Variants in TNPO3 observed in about 807,000 individuals in gnomAD.
TNPO3 encodes transportin 3.
In TNPO3, 65 loss-of-function variants were observed where a neutral mutation model predicts 122.8. That is an observed-to-expected ratio of 0.53 (90% CI 0.43 to 0.65). TNPO3 has a LOEUF of 0.65. TNPO3 is among the 30% of genes least tolerant of loss of function. TNPO3 has a pLI of 0.00. For synonymous variants in TNPO3, 372 were observed against 411.2 expected (o/e 0.90, Z 1.15); for missense variants, 850 against 1,136.7 (o/e 0.75, Z 3.63).
chr7:129,019,912 C>T (rs555385211), intron 1 of TNPO3, among the ~76,000 whole-genome samples: 247 of 152,178 alleles, frequency 1.6e-3, no homozygotes, highest in African/African-American at 5.8e-3. Context: ...AGGAAAATAG[C>T]TTGAACTCAG....
At chr7:129,042,940 C>T (rs892932709) in intron 1 of TNPO3, among the ~76,000 whole-genome samples, 20 of 151,504 alleles carry the variant, frequency 1.3e-4, no homozygotes, top group African/African-American at 4.6e-4. Context: ...ACAAAATACA[C>T]TTGGGTATAC....
chr7:128,976,709 A>G (rs781514150), intron 16 of TNPO3, among the ~76,000 whole-genome samples: 12 of 152,224 alleles, frequency 7.9e-5, no homozygotes, highest in Non-Finnish European at 1.6e-4. Flanking sequence ...AAACAATTGT[A>G]CACTCACCTA....
chr7:129,037,669 TC>T (rs1433340763), intron 1 of TNPO3, among the ~76,000 whole-genome samples: 1 of 152,000 alleles, frequency 6.6e-6, no homozygotes, highest in African/African-American at 2.4e-5. Context: ...CACAAAAATC[TC>T]TGACTGAACC....
chr7:128,997,906 C>G (rs574273656), intron 7 of TNPO3, among the ~76,000 whole-genome samples: 20 of 152,130 alleles, frequency 1.3e-4, no homozygotes, highest in African/African-American at 4.6e-4. Context: ...GGAATGAACA[C>G]AGTTCACTGC....
chr7:129,002,685 A>G lies in TNPO3; in HGVS notation c.697-1451T>C, dbSNP rs564790185. Among the ~76,000 whole-genome samples the G allele has an allele frequency of 1.4e-3, 208 of 151,890 alleles. 1 individual carries two copies. The highest frequency in any genetic ancestry group is 6.8e-3 in the Middle Eastern group (2 of 292). On this transcript the variant is annotated intron_variant, in intron 5 of 22. Coordinates refer to ENST00000265388, the MANE Select transcript of TNPO3 (RefSeq NM_012470.4). ...TGTAATCCCAGCACTTTGGGAGGCC[A>G]AGGTGGGCAGATCACAAGGTCAGGA...
At position 128,960,749 on chromosome 7, in the gene TNPO3, T is replaced by TTTA. The variant is rs60734129; in HGVS notation, c.2712-3437_2712-3435dup. Among the ~76,000 whole-genome samples the TTTA allele has an allele frequency of 9.3e-3, 1,403 of 150,692 alleles. 6 individuals are homozygous for TTTA. Among genetic ancestry groups the TTTA allele is most frequent in the African/African-American group, 0.016 (662 of 41,060 alleles). On this transcript the variant is annotated intron_variant, in intron 21 of 22. Transcript: ENST00000265388. The stretch of plus-strand genomic sequence containing the variant: ...AAAAGTTACAGTAAGCAAGAGTTAA[T>TTTA]TTATTATTATTATTATTATTATTAT...
intron 21 of TNPO3, among the ~76,000 whole-genome samples, chr7:128,960,572 T>TA (rs35592478): frequency 0.33 from 47,252 of 141,390 alleles, 8,217 homozygotes; most frequent in Middle Eastern, 0.49. Context: ...GTTTAAAAGC[T>TA]AAAAAAAAAA....
At chr7:129,033,322 G>C (rs1806162747) in intron 1 of TNPO3, among the ~76,000 whole-genome samples, 1 of 152,012 alleles carries the variant, frequency 6.6e-6, no homozygotes, top group Non-Finnish European at 1.5e-5. Context: ...TGGTTAACAG[G>C]CATATGAAAA....
At chr7:129,036,761 T>G (rs1584589058) in intron 1 of TNPO3, among the ~76,000 whole-genome samples, 1 of 152,082 alleles carries the variant, frequency 6.6e-6, no homozygotes, top group Admixed American at 6.6e-5. Context: ...AAGACAAAAC[T>G]GGAGAATTTC....
chr7:129,053,430 G>C (rs1311511645), intron 1 of TNPO3, among the ~76,000 whole-genome samples: 7 of 150,858 alleles, frequency 4.6e-5, no homozygotes, highest in Admixed American at 4.6e-4. Context: ...GGGAGGAGGA[G>C]GTTGCAGTGA....
chr7:128,973,075 T>C (rs766547477), intron 18 of TNPO3, among the ~76,000 whole-genome samples: 6 of 152,152 alleles, frequency 3.9e-5, no homozygotes, highest in Non-Finnish European at 7.4e-5. Context: ...CCAACTAAGA[T>C]TTTATAAATC....
At chr7:128,974,628 G>A (rs546791220) in intron 18 of TNPO3, among the ~76,000 whole-genome samples, 2 of 150,220 alleles carry the variant, frequency 1.3e-5, no homozygotes, top group Non-Finnish European at 3.0e-5. Context: ...ACACTGCATT[G>A]TCTTGTGTGT....
intron 1 of TNPO3, among the ~76,000 whole-genome samples, chr7:129,033,430 G>A (rs1361004228): frequency 1.3e-5 from 2 of 151,996 alleles, no homozygotes; most frequent in Middle Eastern, 3.4e-3. Flanking sequence ...AAAAAACGAA[G>A]CAAAAAAACC....
At chr7:129,012,472 A>C (rs1374510998) in intron 4 of TNPO3, among the ~76,000 whole-genome samples, 1 of 152,232 alleles carries the variant, frequency 6.6e-6, no homozygotes, top group Admixed American at 6.5e-5. Context: ...TCCAAAATCC[A>C]AAACTTTTTG....
chr7:129,053,201 T>C (rs1273029688), intron 1 of TNPO3, among the ~76,000 whole-genome samples: 1 of 152,092 alleles, frequency 6.6e-6, no homozygotes. Context: ...GGCGTGTGCC[T>C]GTAATCCCAG....
intron 1 of TNPO3, among the ~76,000 whole-genome samples, chr7:129,031,285 G>C (rs1453514187): frequency 1.3e-5 from 2 of 151,858 alleles, no homozygotes; most frequent in Non-Finnish European, 2.9e-5. Flanking sequence ...CGGTGACAGA[G>C]TGAGGTTCTA....
chr7:129,053,709 G>GT (rs952469779), intron 1 of TNPO3, among the ~76,000 whole-genome samples: 4 of 152,062 alleles, frequency 2.6e-5, no homozygotes, highest in African/African-American at 9.7e-5. Flanking sequence ...AAAGGTAAAG[G>GT]TGAGTATTTT....
At chr7:128,983,502 T>G (rs1450434126) in intron 13 of TNPO3, among the ~76,000 whole-genome samples, 1 of 152,158 alleles carries the variant, frequency 6.6e-6, no homozygotes, top group Non-Finnish European at 1.5e-5. Flanking sequence ...GACACCCGGC[T>G]GATCAAAGAC....
chr7:128,975,852 T>A lies in TNPO3; in HGVS notation c.2145A>T (p.Glu715Asp). ...TGTCTAGCAGTCCCTGCCGACAGCC[T>A]TCTTCCATGCCATATTCATCCACAA... ...SILVDEYGME[E>D]GCRQGLLDML... The change falls in exon 17 of 23, where the codon GAA (glutamate) becomes GAT (aspartate). Residue 715 changes from glutamate to aspartate, a missense_variant. Transcript: ENST00000265388. The A allele has an allele frequency of 1.2e-6, 2 of 1,613,960 alleles. No individual in the cohort carries two copies. Among genetic ancestry groups the A allele is most frequent in the Non-Finnish European group, 1.7e-6 (2 of 1,179,846 alleles).
Sources: gnomAD v4.1 joint callset for allele counts (sites outside exome capture counted in the v4.1 genomes callset) on GRCh38, gnomAD v4.1.1 for gene constraint, MANE v1.5 for transcripts, NCBI Gene and HGNC (gene_info 2026-07-23, HGNC 2026-07-21) for gene names.